ABHD5: variants seen among roughly 807,000 people sequenced by gnomAD.
ABHD5 encodes abhydrolase domain containing 5, lysophosphatidic acid acyltransferase.
Under a neutral mutation model 44.9 loss-of-function variants are expected in ABHD5, and 30 were observed. The observed-to-expected ratio is 0.67, with a 90% CI of 0.50 to 0.91. The LOEUF (loss-of-function observed/expected upper bound fraction) is 0.91. ABHD5 is among the 40% of genes least tolerant of loss of function. ABHD5 has a pLI of 0.00. For missense variants in ABHD5, 399 were observed against 423.4 expected (o/e 0.94, Z 0.50); for synonymous variants, 167 against 147.0 (o/e 1.14, Z -0.99).
At chr3:43,699,501 G>C in intron 2 of ABHD5, 140 bp downstream of exon 2, 1 of 849,002 alleles carries the variant, frequency 1.2e-6, no homozygotes, top group Non-Finnish European at 1.9e-6. Context: ...CTTGTCATTA[G>C]AAAGTACAGA....
intron 2 of ABHD5, among the ~76,000 whole-genome samples, chr3:43,699,963 G>A (rs72622916): frequency 0.11 from 16,569 of 152,086 alleles, 1,300 homozygotes; most frequent in South Asian, 0.23. Context: ...GGATCTCCTC[G>A]AAGAGTCTCA....
chr3:43,694,517 T>C (rs2084446068), intron 1 of ABHD5, among the ~76,000 whole-genome samples: 1 of 152,166 alleles, frequency 6.6e-6, no homozygotes, highest in Non-Finnish European at 1.5e-5. Context: ...TGCAAAGAAA[T>C]GTCACTGACT....
At chr3:43,703,812 A>C (rs2084579046) in intron 3 of ABHD5, among the ~76,000 whole-genome samples, 1 of 152,108 alleles carries the variant, frequency 6.6e-6, no homozygotes, top group African/African-American at 2.4e-5. Flanking sequence ...TGATGTGTGA[A>C]GCAGCAGCCC....
At chr3:43,706,352 G>A (rs1269240503) in intron 3 of ABHD5, among the ~76,000 whole-genome samples, 1 of 151,984 alleles carries the variant, frequency 6.6e-6, no homozygotes, top group African/African-American at 2.4e-5. Context: ...TGGGGGGAGC[G>A]GTAAGAGGAG....
chr3:43,716,060 G>A (rs756879285), intron 5 of ABHD5, among the ~76,000 whole-genome samples: 14 of 152,252 alleles, frequency 9.2e-5, no homozygotes, highest in Non-Finnish European at 2.1e-4. Context: ...GAGCAAGAGG[G>A]CCAAATGTAT....
chr3:43,714,386 G>C (rs908045830), intron 4 of ABHD5, among the ~76,000 whole-genome samples: 4 of 152,104 alleles, frequency 2.6e-5, no homozygotes, highest in Admixed American at 2.0e-4. Flanking sequence ...GCCCACCTCG[G>C]TCTCCCAAAG....
In ABHD5 at chr3:43,692,902, A is replaced by G. The variant is rs923022519; in HGVS notation, c.47+1863A>G. Among the ~76,000 whole-genome samples, 4 of 152,322 alleles carry G rather than the reference A, an allele frequency of 2.6e-5. No individual in the cohort carries two copies. In the South Asian group the frequency reaches 8.3e-4, roughly 32 times the overall value. On this transcript the variant is annotated intron_variant, in intron 1 of 6. Transcript: ENST00000644371. ...CCCTTAAGACATTTGAGGTTTAGAT[A>G]GGGAGATAACATTAACAAAGGAAAG...
At chr3:43,731,093 G>C (rs1313782531) in intron 7 of ABHD5, among the ~76,000 whole-genome samples, 1 of 152,064 alleles carries the variant, frequency 6.6e-6, no homozygotes, top group Non-Finnish European at 1.5e-5. Flanking sequence ...CTCCCAAAGT[G>C]CTGGGATTAC....
chr3:43,732,670 A>G (rs1484969003), intron 7 of ABHD5, among the ~76,000 whole-genome samples: 1 of 152,246 alleles, frequency 6.6e-6, no homozygotes, highest in Non-Finnish European at 1.5e-5. Flanking sequence ...ATTTAAAGGT[A>G]ACTGCAAAAT....
At chr3:43,691,192 G>A in intron 1 of ABHD5, 153 bp downstream of exon 1, 3 of 670,838 alleles carry the variant, frequency 4.5e-6, no homozygotes, top group Non-Finnish European at 6.5e-6. Flanking sequence ...TCCGCGCGGC[G>A]CCCAGAGGCG....
intron 3 of ABHD5, among the ~76,000 whole-genome samples, chr3:43,704,953 A>T (rs1200911250): frequency 2.2e-4 from 34 of 152,184 alleles, no homozygotes; most frequent in Non-Finnish European, 1.5e-5. Flanking sequence ...AGTGTATTGA[A>T]TATTCAAGCT....
chr3:43,712,387 A>G (rs577709084), intron 4 of ABHD5, among the ~76,000 whole-genome samples: 171 of 152,224 alleles, frequency 1.1e-3, no homozygotes, highest in South Asian at 2.1e-3. Flanking sequence ...TTTCCACAAC[A>G]TTTTGGGGAC....
intron 3 of ABHD5, among the ~76,000 whole-genome samples, chr3:43,708,998 C>G (rs573924286): frequency 6.6e-6 from 1 of 152,076 alleles, no homozygotes; most frequent in South Asian, 2.1e-4. Flanking sequence ...ATTTTGTTAC[C>G]GAATAATAAG....
chr3:43,724,238 A>T (rs545574536), downstream of ABHD5, among the ~76,000 whole-genome samples: 1 of 152,158 alleles, frequency 6.6e-6, no homozygotes, highest in Admixed American at 6.5e-5. Context: ...GAAAGTGGGT[A>T]ATAGCTGGAG....
intron 1 of ABHD5, among the ~76,000 whole-genome samples, chr3:43,691,860 T>G (rs1245971342): frequency 6.6e-6 from 1 of 152,336 alleles, no homozygotes; most frequent in East Asian, 1.9e-4. Context: ...GTGTGTTGCA[T>G]GTGCCTTAGA....
intron 7 of ABHD5, among the ~76,000 whole-genome samples, chr3:43,731,135 A>AT (rs1382932894): frequency 4.6e-5 from 7 of 151,788 alleles, no homozygotes; most frequent in Admixed American, 3.9e-4. Context: ...GCCCTAATCC[A>AT]TTTTTTTTAA....
chr3:43,727,067 A>G (rs912961744), downstream of ABHD5, among the ~76,000 whole-genome samples: 1 of 152,170 alleles, frequency 6.6e-6, no homozygotes, highest in African/African-American at 2.4e-5. Context: ...TCTCCTTTCT[A>G]GGACTCCTCC....
At chr3:43,705,165 T>C (rs2084599474) in intron 3 of ABHD5, among the ~76,000 whole-genome samples, 1 of 152,224 alleles carries the variant, frequency 6.6e-6, no homozygotes, top group African/African-American at 2.4e-5. Context: ...GTTCACCTTT[T>C]AGCTAACAAT....
rs1364247609 is a variant in ABHD5, at chr3:43,690,973, G to C, written c.-20G>C. 6.4e-7 allele frequency: 1 copy of C among 1,570,354 alleles called. No individual in the cohort carries two copies. Among genetic ancestry groups the C allele is most frequent in the Non-Finnish European group, 8.6e-7 (1 of 1,161,986 alleles). ...TCAGCCGGCTTCGAGATAAGTCCCG[G>C]CGCTTGCGCGGCGGCGGCTATGGCG... On this transcript the variant is annotated 5_prime_UTR_variant, in exon 1 of 7. Coordinates refer to ENST00000644371, the MANE Select transcript of ABHD5 (RefSeq NM_016006.6).
Sources: gnomAD v4.1 joint callset for allele counts (sites outside exome capture counted in the v4.1 genomes callset) on GRCh38, gnomAD v4.1.1 for gene constraint, MANE v1.5 for transcripts, NCBI Gene and HGNC (gene_info 2026-07-23, HGNC 2026-07-21) for gene names.